Variants in EGFL7 observed in about 807,000 individuals in gnomAD.
The protein encoded by EGFL7 is EGF like domain multiple 7, also known as epidermal growth factor-like protein 7.
In EGFL7, 48 loss-of-function variants were observed where a neutral mutation model predicts 37.1. The observed-to-expected ratio is 1.29, with a 90% CI of 1.03 to 1.65. The LOEUF is 1.65. Among genes scored for constraint, EGFL7 ranks in the 40% most tolerant of loss-of-function variants. The pLI, the probability that EGFL7 is intolerant of heterozygous loss-of-function variation, is 0.00. For missense variants in EGFL7, 384 were observed against 378.9 expected (o/e 1.01, Z -0.11); for synonymous variants, 180 against 156.8 (o/e 1.15, Z -1.10).
In EGFL7 at chr9:136,669,961, G is replaced by A. The variant is rs1564280898; in HGVS notation, c.361G>A (p.Gly121Ser). Residue 121 changes from glycine (G) to serine (S), a missense_variant, in exon 7 of 11, where the codon GGC becomes AGC. By Grantham distance (56) the Gly-to-Ser change is moderately conservative. Transcript: ENST00000308874. Reference sequence around the variant, plus strand: ...GAACGGAGGGAGCTGTGTCCAGCCTGGCCGCTGCCGCTGCCCTGCAGGATG... The same window carrying A: ...GAACGGAGGGAGCTGTGTCCAGCCTAGCCGCTGCCGCTGCCCTGCAGGATG... ...CRNGGSCVQPGRCRCPAGWRG... is the reference protein window; with the variant it reads ...CRNGGSCVQPSRCRCPAGWRG... 1 of 1,605,122 alleles carries A rather than the reference G, an allele frequency of 6.2e-7. No homozygotes were observed. Among genetic ancestry groups the A allele is most frequent in the East Asian group, 2.2e-5 (1 of 44,614 alleles).
intron 3 of EGFL7, chr9:136,665,653 C>T (rs1845413385): frequency 6.6e-6 from 1 of 150,832 alleles, no homozygotes; most frequent in Non-Finnish European, 1.5e-5. Context: ...CGCCCGGGGG[C>T]AGCTCGTCCG....
At chr9:136,661,340 G>T (rs1431531715), upstream of EGFL7, among the ~76,000 whole-genome samples, 2 of 152,158 alleles carry the variant, frequency 1.3e-5, no homozygotes, top group African/African-American at 4.8e-5. Context: ...ATGAGCCCCT[G>T]GGTGGGAGAG....
rs1381380123 is a variant in EGFL7, at chr9:136,670,194, G to A, written c.435G>A (p.Arg145=). Residue 145 remains arginine (R), a synonymous_variant, in exon 8 of 11, where the codon AGG becomes AGA. Transcript: ENST00000308874. ...QSDVDECSAR[R]GGCPQRCVNT... ...ATGTGGATGAATGCAGTGCTAGGAG[G>A]GGCGGCTGTCCCCAGCGCTGCGTCA... 1 of 1,612,622 alleles carries A rather than the reference G, an allele frequency of 6.2e-7. No individual in the cohort carries two copies. The highest frequency in any genetic ancestry group is 8.5e-7 in the Non-Finnish European group (1 of 1,179,826).
chr9:136,671,871 G>A, intron 9 of EGFL7, 55 bp from the exon 10 acceptor site: 2 of 1,447,084 alleles, frequency 1.4e-6, no homozygotes, highest in Non-Finnish European at 1.8e-6. Flanking sequence ...CTAGACCCCG[G>A]TGGAGCAGAG....
In EGFL7 at chr9:136,668,307, C is replaced by T. The variant is rs1465902017; in HGVS notation, c.25C>T (p.Leu9=). Residue 9 remains leucine, a synonymous_variant, in exon 4 of 11, where the codon CTG becomes TTG. Coordinates refer to ENST00000308874, the MANE Select transcript of EGFL7 (RefSeq NM_016215.5). MRGSQEVL[L]MWLLVLAVGG... is the part of the protein sequence containing the mutation. ...CATGAGGGGCTCTCAGGAGGTGCTG[C>T]TGATGTGGCTTCTGGTGTTGGCAGT... The T allele has an allele frequency of 6.2e-7, 1 of 1,608,244 alleles. No homozygotes were observed. The highest frequency in any genetic ancestry group is 1.3e-5 in the African/African-American group (1 of 74,874).
At chr9:136,660,396 A>T (rs987474334), upstream of EGFL7, 1 of 152,380 alleles carries the variant, frequency 6.6e-6, no homozygotes, top group Non-Finnish European at 1.5e-5. Context: ...GGATAGGGCA[A>T]AGCTGGCACT....
At chr9:136,660,835 G>A (rs539406339), upstream of EGFL7, among the ~76,000 whole-genome samples, 44 of 152,190 alleles carry the variant, frequency 2.9e-4, no homozygotes, top group Non-Finnish European at 7.3e-5. Flanking sequence ...CCTGTGCCGA[G>A]CATCCCAGCC....
At position 136,670,016 on chromosome 9, in the gene EGFL7, C is replaced by G; in HGVS notation, c.409+7C>G. On this transcript the variant is annotated splice_region_variant and intron_variant, in intron 7 of 10. Coordinates refer to ENST00000308874, the MANE Select transcript of EGFL7 (RefSeq NM_016215.5). ...GGTGACACTTGCCAGTCAGGTGAGG[C>G]TGGCTCTACCCTGGGGGGCCCTGGA... 1.3e-6 allele frequency: 2 copies of G among 1,591,462 alleles called. No homozygotes were observed. The highest frequency in any genetic ancestry group is 2.3e-5 in the South Asian group (2 of 88,734).
chr9:136,671,611 C>T (rs189424286), intron 9 of EGFL7, among the ~76,000 whole-genome samples: 2 of 151,808 alleles, frequency 1.3e-5, no homozygotes, highest in East Asian at 1.9e-4. Flanking sequence ...CGAGACCTCC[C>T]CACCCCCCCA....
intron 5 of EGFL7, 85 bp from the exon 6 acceptor site, chr9:136,669,521 G>A: frequency 1.0e-6 from 1 of 970,782 alleles, no homozygotes; most frequent in Non-Finnish European, 1.6e-6. Flanking sequence ...GTGACCCTGT[G>A]CACTCTGAGA....
rs1317624726 is a variant in EGFL7 at position 136,668,543 on chromosome 9, C to T, written c.81-14C>T. On this transcript the variant is annotated splice_polypyrimidine_tract_variant and intron_variant, in intron 4 of 10. Transcript: ENST00000308874. ...TCTGGGACTCCTGGGCTGACCCCCT[C>T]TCCACCCCCGCAGCCGTAGGGTGTG... The T allele has an allele frequency of 1.2e-6, 2 of 1,606,154 alleles. No individual in the cohort carries two copies. The highest frequency in any genetic ancestry group is 1.3e-5 in the African/African-American group (1 of 74,870).
At chr9:136,670,087 C>T (rs1487437795) in intron 7 of EGFL7, 78 bp downstream of exon 7, 2 of 1,604,528 alleles carry the variant, frequency 1.2e-6, no homozygotes, top group Non-Finnish European at 8.5e-7. Flanking sequence ...ACTGCTGGCC[C>T]ATGAGTGGGT....
In EGFL7 at chr9:136,666,487, GC is replaced by G. The variant is rs570055387; in HGVS notation, c.-43+1710del. Among the ~76,000 whole-genome samples the G allele has an allele frequency of 1.6e-3, 241 of 151,854 alleles. 1 individual carries two copies. Among genetic ancestry groups the G allele is most frequent in the Admixed American group, 4.2e-3 (64 of 15,262 alleles). On this transcript the variant is annotated intron_variant, in intron 3 of 10. Transcript: ENST00000308874. This position sits in a 1 kb window ranked among gnomAD's most constrained non-coding sequence, Gnocchi z 6.8. The stretch of plus-strand genomic sequence containing the variant: ...CCGGCACCCCTGGGTCGAGGCCGTG[GC>G]CCCCCCCGGGGAAATGGGGCTTGCA...
At chr9:136,668,516 G>A in intron 4 of EGFL7, 41 bp from the exon 5 acceptor site, 1 of 1,590,752 alleles carries the variant, frequency 6.3e-7, no homozygotes. Context: ...CTTGGGTCCT[G>A]CTCTGGGACT....
At chr9:136,665,602 G>T (rs2119095797) in intron 3 of EGFL7, among the ~76,000 whole-genome samples, 1 of 152,126 alleles carries the variant, frequency 6.6e-6, no homozygotes, top group African/African-American at 2.4e-5. Flanking sequence ...CGGCTCAGAG[G>T]CGCGTTTGCG....
chr9:136,669,582 T>C (rs1196703051), intron 5 of EGFL7, 24 bp from the exon 6 acceptor site: 1 of 1,569,938 alleles, frequency 6.4e-7, no homozygotes, highest in East Asian at 2.3e-5. Context: ...GATGCCCCTC[T>C]GAGCTGTCCC....
intron 3 of EGFL7, among the ~76,000 whole-genome samples, chr9:136,665,532 C>G (rs1311585661): frequency 6.6e-6 from 1 of 152,170 alleles, no homozygotes; most frequent in Non-Finnish European, 1.5e-5. Context: ...GACCGCGCAG[C>G]GAGCGCCCTG....
chr9:136,669,245 G>A (rs972890526), intron 5 of EGFL7, among the ~76,000 whole-genome samples: 1 of 152,224 alleles, frequency 6.6e-6, no homozygotes, highest in East Asian at 1.9e-4. Flanking sequence ...GAAGGGCTCC[G>A]ATGCCCAGGG....
chr9:136,665,775 C>CGGG (rs1230987375), intron 3 of EGFL7: 1 of 146,192 alleles, frequency 6.8e-6, no homozygotes, highest in East Asian at 2.0e-4. Context: ...GGCGCGGGCT[C>CGGG]GGGCGGCAGT....
Sources: gnomAD v4.1 joint callset for allele counts (sites outside exome capture counted in the v4.1 genomes callset) on GRCh38, gnomAD v4.1.1 for gene constraint, Gnocchi (gnomAD v3.1) non-coding constraint, MANE v1.5 for transcripts, NCBI Gene and HGNC (gene_info 2026-07-23, HGNC 2026-07-21) for gene names.